FILIP1L: variants seen among roughly 807,000 people sequenced by gnomAD.
The protein encoded by FILIP1L is filamin A interacting protein 1 like, also known as filamin A-interacting protein 1-like.
Under a neutral mutation model 96.6 loss-of-function variants are expected in FILIP1L, and 55 were observed. That is an observed-to-expected ratio of 0.57 (90% CI 0.46 to 0.71). The LOEUF (loss-of-function observed/expected upper bound fraction) is 0.71. Among genes scored for constraint, FILIP1L ranks in the 30% least tolerant of loss-of-function variants. The pLI, the probability that FILIP1L is intolerant of heterozygous loss-of-function variation, is 0.00. For missense variants in FILIP1L, 1,304 were observed against 1,321.2 expected, an observed-to-expected ratio of 0.99 and a Z score of 0.20; for synonymous variants, 467 against 473.9, an observed-to-expected ratio of 0.99 and a Z score of 0.19.
At chr3:99,905,187 CTT>C (rs1706573592) in intron 4 of FILIP1L, among the ~76,000 whole-genome samples, 1 of 152,342 alleles carries the variant, frequency 6.6e-6, no homozygotes, top group Non-Finnish European at 1.5e-5. Context: ...CAGGCCAACT[CTT>C]TGCTTTCCAC....
chr3:99,987,920 G>C (rs1709392971), intron 1 of FILIP1L, among the ~76,000 whole-genome samples: 1 of 152,166 alleles, frequency 6.6e-6, no homozygotes, highest in African/African-American at 2.4e-5. Context: ...CTCTCATCCT[G>C]TTGGATTCTT....
chr3:99,950,475 A>AT (rs778457467), intron 1 of FILIP1L, among the ~76,000 whole-genome samples: 1 of 152,096 alleles, frequency 6.6e-6, no homozygotes, highest in East Asian at 1.9e-4. Flanking sequence ...TATTCCTGAG[A>AT]TTTTTTCACT....
At chr3:99,845,443 A>G (rs1384719227) in intron 5 of FILIP1L, among the ~76,000 whole-genome samples, 3 of 152,184 alleles carry the variant, frequency 2.0e-5, no homozygotes, top group East Asian at 1.9e-4. Context: ...AAAACAGTCT[A>G]TCTTCTGTGA....
intron 1 of FILIP1L, among the ~76,000 whole-genome samples, chr3:99,941,272 T>C (rs1268907669): frequency 6.6e-6 from 1 of 152,208 alleles, no homozygotes; most frequent in African/African-American, 2.4e-5. Context: ...AGCTCACAGC[T>C]TATTATATTA....
At chr3:99,907,873 T>G (rs1706671595) in intron 4 of FILIP1L, among the ~76,000 whole-genome samples, 1 of 152,210 alleles carries the variant, frequency 6.6e-6, no homozygotes, top group Non-Finnish European at 1.5e-5. Context: ...CCTGAATGCT[T>G]TTCTCCTCCT....
chr3:100,010,470 A>G (rs1710112332), intron 1 of FILIP1L, among the ~76,000 whole-genome samples: 1 of 152,126 alleles, frequency 6.6e-6, no homozygotes, highest in Non-Finnish European at 1.5e-5. Flanking sequence ...ATTTAATGGT[A>G]TTTAGAAAGG....
At chr3:100,105,502 A>G (rs1360880829) in intron 1 of FILIP1L, among the ~76,000 whole-genome samples, 1 of 152,210 alleles carries the variant, frequency 6.6e-6, no homozygotes, top group Non-Finnish European at 1.5e-5. Context: ...AGGGACTTCC[A>G]GGAAGGTTCA....
chr3:100,010,612 C>CTTTT (rs71625546), intron 1 of FILIP1L, among the ~76,000 whole-genome samples: 1 of 141,476 alleles, frequency 7.1e-6, no homozygotes, highest in Non-Finnish European at 1.5e-5. Flanking sequence ...GTTTTTCTTT[C>CTTTT]TTTTTTTTTT....
chr3:100,113,006 A>T (rs2066515679), intron 1 of FILIP1L, among the ~76,000 whole-genome samples: 1 of 152,252 alleles, frequency 6.6e-6, no homozygotes, highest in African/African-American at 2.4e-5. Flanking sequence ...CATTCTCTCT[A>T]GTATTAACTA....
At chr3:100,095,500 C>A (rs547805154) in intron 1 of FILIP1L, among the ~76,000 whole-genome samples, 1 of 151,448 alleles carries the variant, frequency 6.6e-6, no homozygotes, top group African/African-American at 2.4e-5. Context: ...ACAGTCATAC[C>A]GAGAACATGC....
rs1323075024 is a variant in FILIP1L at position 99,858,532 on chromosome 3, A to G, written c.606-7462T>C. Among the ~76,000 whole-genome samples the G allele has an allele frequency of 3.3e-5, 5 of 152,344 alleles. No homozygotes were observed. The South Asian group carries it at 6.2e-4, about 19-fold the overall frequency. ...TAATAATAAATCCATCATCTGCTAA[A>G]TAACATATTTTTATGAAAAAATACT... is the stretch of plus-strand genomic sequence containing the variant. On this transcript the variant is annotated intron_variant, in intron 4 of 5. Coordinates refer to ENST00000477258, the MANE Select transcript of FILIP1L (RefSeq NM_001387850.1).
chr3:99,971,660 T>G (rs555103524), intron 1 of FILIP1L, among the ~76,000 whole-genome samples: 6 of 152,328 alleles, frequency 3.9e-5, no homozygotes, highest in Admixed American at 1.3e-4. Context: ...GAGTGAACTG[T>G]GGCTTTAGAC....
chr3:99,851,532 C>T (rs1943696268), intron 4 of FILIP1L, among the ~76,000 whole-genome samples: 1 of 152,162 alleles, frequency 6.6e-6, no homozygotes, highest in South Asian at 2.1e-4. Flanking sequence ...ATTTTATTTA[C>T]TTCAGGGGCT....
intron 4 of FILIP1L, among the ~76,000 whole-genome samples, chr3:99,882,536 A>T (rs1705763279): frequency 6.6e-6 from 1 of 152,328 alleles, no homozygotes; most frequent in East Asian, 1.9e-4. Flanking sequence ...ATTTTAGGGT[A>T]TAAGAGGCCT....
chr3:100,005,193 A>G (rs1355074961), intron 1 of FILIP1L, among the ~76,000 whole-genome samples: 1 of 152,232 alleles, frequency 6.6e-6, no homozygotes, highest in Non-Finnish European at 1.5e-5. Context: ...CTGTATTTGT[A>G]TAGCACCTTG....
intron 1 of FILIP1L, among the ~76,000 whole-genome samples, chr3:99,955,962 T>A (rs1708309036): frequency 6.6e-6 from 1 of 152,202 alleles, no homozygotes; most frequent in Non-Finnish European, 1.5e-5. Context: ...ACGTATTTAC[T>A]TGCCTAACTC....
intron 1 of FILIP1L, among the ~76,000 whole-genome samples, chr3:100,087,319 T>C (rs1041908264): frequency 1.3e-5 from 2 of 152,222 alleles, no homozygotes; most frequent in African/African-American, 4.8e-5. Flanking sequence ...CCACCAACAG[T>C]GTATGAGAAA....
In FILIP1L at chr3:99,890,149, A is replaced by G. The variant is rs1226515823; in HGVS notation, c.605+34081T>C. Among the ~76,000 whole-genome samples the G allele has an allele frequency of 2.0e-5, 3 of 152,172 alleles. No individual in the cohort carries two copies. In the East Asian group the frequency reaches 5.8e-4, roughly 29 times the overall value. On this transcript the variant is annotated intron_variant, in intron 4 of 5. Transcript: ENST00000477258. ...CTTGAGGATTTTTACTGGGTATAGAATGCTTGGTTGAGACTTGTTTTCTGT... is the reference window on the plus strand; with the variant it reads ...CTTGAGGATTTTTACTGGGTATAGAGTGCTTGGTTGAGACTTGTTTTCTGT...
intron 1 of FILIP1L, among the ~76,000 whole-genome samples, chr3:100,046,460 A>G (rs1473588303): frequency 1.3e-5 from 2 of 152,044 alleles, no homozygotes; most frequent in Non-Finnish European, 2.9e-5. Flanking sequence ...GTAGTAGCCT[A>G]ACTGGTAGAT....
Sources: gnomAD v4.1 joint callset for allele counts (sites outside exome capture counted in the v4.1 genomes callset) on GRCh38, gnomAD v4.1.1 for gene constraint, MANE v1.5 for transcripts, NCBI Gene and HGNC (gene_info 2026-07-23, HGNC 2026-07-21) for gene names.